Variants in PTPRT observed in about 807,000 individuals in gnomAD.
The protein encoded by PTPRT is receptor-type tyrosine-protein phosphatase T.
In PTPRT, 56 loss-of-function variants were observed where a neutral mutation model predicts 176.8. That is an observed-to-expected ratio of 0.32 (90% CI 0.26 to 0.40). PTPRT has a LOEUF of 0.40. PTPRT is among the 10% of genes least tolerant of loss of function. PTPRT has a pLI of 1.00. For synonymous variants in PTPRT, 783 were observed against 739.0 expected (o/e 1.06, Z -0.96); for missense variants, 1,540 against 1,908.2 (o/e 0.81, Z 3.60).
intron 1 of PTPRT, among the ~76,000 whole-genome samples, chr20:43,011,254 C>A (rs1217247134): frequency 6.6e-6 from 1 of 152,108 alleles, no homozygotes; most frequent in Non-Finnish European, 1.5e-5. Context: ...TAAGAAAATG[C>A]CCACGCCACA....
chr20:42,102,429 C>T (rs933816994), intron 25 of PTPRT, 132 bp from the exon 26 acceptor site: 31 of 978,880 alleles, frequency 3.2e-5, no homozygotes, highest in East Asian at 2.6e-4. Context: ...CTCCCTTTCC[C>T]GGGACCCATT....
At chr20:43,057,631 G>A (rs928260993) in intron 1 of PTPRT, among the ~76,000 whole-genome samples, 2 of 152,128 alleles carry the variant, frequency 1.3e-5, no homozygotes, top group African/African-American at 4.8e-5. Flanking sequence ...CTGGGTGAAT[G>A]GTACAAGGAA....
At chr20:42,109,969 A>G (rs891247309) in intron 23 of PTPRT, among the ~76,000 whole-genome samples, 1 of 152,188 alleles carries the variant, frequency 6.6e-6, no homozygotes, top group African/African-American at 2.4e-5. Context: ...CTCTAAGAGT[A>G]AAGCCACTAG....
chr20:42,819,751 A>G (rs1182894837), intron 2 of PTPRT, among the ~76,000 whole-genome samples: 1 of 151,932 alleles, frequency 6.6e-6, no homozygotes, highest in Non-Finnish European at 1.5e-5. Context: ...ATAAAAAAAA[A>G]TAAAAAAGCA....
At chr20:42,290,405 G>C (rs551946869) in intron 12 of PTPRT, among the ~76,000 whole-genome samples, 1 of 151,904 alleles carries the variant, frequency 6.6e-6, no homozygotes, top group African/African-American at 2.4e-5. Flanking sequence ...CTCAAGGCTC[G>C]GCCAGTGCAG....
chr20:42,276,151 A>G (rs966020635), intron 13 of PTPRT, among the ~76,000 whole-genome samples: 8 of 152,074 alleles, frequency 5.3e-5, no homozygotes, highest in African/African-American at 1.9e-4. Context: ...AAGAAAGGAC[A>G]GTGTCATAGT....
intron 1 of PTPRT, among the ~76,000 whole-genome samples, chr20:42,975,510 AT>A (rs1982896021): frequency 6.6e-6 from 1 of 152,152 alleles, no homozygotes; most frequent in Admixed American, 6.5e-5. Context: ...CATTTGGCAA[AT>A]TTTTATTTTA....
chr20:43,063,406 G>A (rs1028295578), intron 1 of PTPRT: 5 of 152,564 alleles, frequency 3.3e-5, no homozygotes, highest in African/African-American at 1.2e-4. Context: ...CTGGCTAGGT[G>A]GGTGTCCCCT....
intron 20 of PTPRT, among the ~76,000 whole-genome samples, chr20:42,119,013 GAAA>G (rs11415242): frequency 1.4e-4 from 4 of 29,220 alleles, no homozygotes; most frequent in East Asian, 1.3e-3. Flanking sequence ...AGAAAGGAAG[GAAA>G]AAAAAAAAAA....
rs1220931231 is a variant in PTPRT at position 42,102,281 on chromosome 20, G to A, written c.3557C>T (p.Thr1186Ile). 3.7e-6 allele frequency: 6 copies of A among 1,613,946 alleles called. No homozygotes were observed. The highest frequency in any genetic ancestry group is 5.1e-6 in the Non-Finnish European group (6 of 1,179,954). The part of the protein sequence containing the change: ...KDEFQTLNIV[T>I]PRVRPEDCSI... ...GCAGTCCTCGGGCCGCACACGGGGT[G>A]TCACAATGTTGAGGGTCTGTGGGGC... Residue 1186 changes from threonine (T) to isoleucine (I), a missense_variant, in exon 26 of 31, where the codon ACA (threonine) becomes ATA (isoleucine). By Grantham distance (89) the Thr-to-Ile change is moderately conservative (BLOSUM62 -1). This residue lies in a region of PTPRT where 342 missense variants were observed against 394.0 expected (regional missense o/e 0.87). Transcript: ENST00000373187.
chr20:42,936,909 T>C lies in PTPRT; in HGVS notation c.89-50977A>G, dbSNP rs141927036. ...TTCAGTTTTGGAAGTGGTAGAAAACTAGGGTGATCATTAGATCAAAGTTAG... is the reference window on the plus strand; with the variant it reads ...TTCAGTTTTGGAAGTGGTAGAAAACCAGGGTGATCATTAGATCAAAGTTAG... On this transcript the variant is annotated intron_variant, in intron 1 of 30. Coordinates refer to ENST00000373187, the MANE Select transcript of PTPRT (RefSeq NM_007050.6). Among the ~76,000 whole-genome samples, 444 of 152,218 alleles carry C rather than the reference T, an allele frequency of 2.9e-3. 2 individuals carry two copies. The highest frequency in any genetic ancestry group is 9.0e-3 in the African/African-American group (375 of 41,526).
chr20:42,219,000 C>T (rs1392126151), intron 15 of PTPRT, among the ~76,000 whole-genome samples: 1 of 152,114 alleles, frequency 6.6e-6, no homozygotes, highest in Admixed American at 6.6e-5. Context: ...CTTTATGCAA[C>T]GTGAGGTGCT....
intron 11 of PTPRT, among the ~76,000 whole-genome samples, chr20:42,321,212 T>G (rs767920429): frequency 6.6e-6 from 1 of 152,124 alleles, no homozygotes; most frequent in African/African-American, 2.4e-5. Flanking sequence ...CATCTCAGAA[T>G]CTCAATGGAG....
At chr20:42,098,343 G>A (rs1985497299) in intron 27 of PTPRT, 78 bp downstream of exon 27, 7 of 1,567,444 alleles carry the variant, frequency 4.5e-6, no homozygotes, top group Middle Eastern at 2.2e-4. Flanking sequence ...GGCAGGCACC[G>A]GCTGTCAAGG....
At chr20:42,345,604 G>A (rs997071862) in intron 11 of PTPRT, among the ~76,000 whole-genome samples, 6 of 139,640 alleles carry the variant, frequency 4.3e-5, no homozygotes, top group Non-Finnish European at 9.6e-5. Flanking sequence ...GTGTGTGTGT[G>A]TGTGTGTGTG....
chr20:42,080,489 C>A lies in PTPRT; in HGVS notation c.*390G>T, dbSNP rs1034112259. Reference sequence around the variant, plus strand: ...GAGCAGAACACACATCTCCTCCACTCCTAAGGAGAAGGAGGGCAGGGGAGC... The same window carrying A: ...GAGCAGAACACACATCTCCTCCACTACTAAGGAGAAGGAGGGCAGGGGAGC... On this transcript the variant is annotated 3_prime_UTR_variant, in exon 31 of 31. Transcript: ENST00000373187. The A allele has an allele frequency of 1.5e-5, 4 of 265,024 alleles. No individual in the cohort carries two copies. The highest frequency in any genetic ancestry group is 2.2e-5 in the Non-Finnish European group (3 of 138,474). The allele number at this position is 265,024 out of a possible 1,614,324, so 16.4% of individuals were successfully genotyped here. A position where few individuals can be genotyped will look rare whatever the true frequency, so the allele number is the denominator to read the frequency against.
chr20:42,533,239 CT>C (rs2072417624), intron 7 of PTPRT, among the ~76,000 whole-genome samples: 2 of 152,144 alleles, frequency 1.3e-5, no homozygotes, highest in Non-Finnish European at 2.9e-5. Context: ...TAATTTGATT[CT>C]AGAAAATCAA....
chr20:42,471,914 C>A (rs915332070), intron 8 of PTPRT, among the ~76,000 whole-genome samples: 3 of 152,122 alleles, frequency 2.0e-5, no homozygotes, highest in Non-Finnish European at 1.5e-5. Flanking sequence ...CCTCAGCCTC[C>A]CAAAGTGCTA....
intron 9 of PTPRT, among the ~76,000 whole-genome samples, chr20:42,357,374 G>C (rs971932005): frequency 1.3e-5 from 2 of 152,188 alleles, no homozygotes; most frequent in Non-Finnish European, 2.9e-5. Context: ...GCTCCAAGGA[G>C]GCAAAGATCG....
Sources: gnomAD v4.1 joint callset for allele counts (sites outside exome capture counted in the v4.1 genomes callset) on GRCh38, gnomAD v4.1.1 for gene constraint, gnomAD v4.1.1 regional missense constraint, MANE v1.5 for transcripts, NCBI Gene and HGNC (gene_info 2026-07-23, HGNC 2026-07-21) for gene names.